Variants in MOCOS observed in about 807,000 individuals in gnomAD.
MOCOS encodes the protein human molybdenum cofactor sulfurase.
Under a neutral mutation model 83.6 loss-of-function variants are expected in MOCOS, and 86 were observed. The ratio of observed to expected loss-of-function variants is 1.03; its 90% confidence interval spans 0.86 to 1.23. The LOEUF (loss-of-function observed/expected upper bound fraction) is 1.23, where lower values mean the gene tolerates loss of function less well. Ranked by LOEUF, MOCOS falls within the 50% of genes most tolerant of loss-of-function variation. MOCOS has a pLI of 0.00. For synonymous variants in MOCOS, 445 were observed against 434.7 expected, an observed-to-expected ratio of 1.02 and a Z score of -0.29; for missense variants, 1,120 against 1,126.9, an observed-to-expected ratio of 0.99 and a Z score of 0.09.
intron 2 of MOCOS, among the ~76,000 whole-genome samples, chr18:36,195,792 C>T (rs1041614611): frequency 4.6e-5 from 7 of 152,200 alleles, no homozygotes; most frequent in Non-Finnish European, 1.0e-4. Context: ...GTGATCTAGT[C>T]CTGGAAGACA....
intron 5 of MOCOS, among the ~76,000 whole-genome samples, chr18:36,203,424 A>C (rs1384412297): frequency 6.6e-6 from 1 of 152,216 alleles, no homozygotes; most frequent in Non-Finnish European, 1.5e-5. Context: ...CAGGTAGAAG[A>C]CATTCCAAAT....
intron 6 of MOCOS, among the ~76,000 whole-genome samples, chr18:36,212,979 C>T (rs2091460704): frequency 1.3e-5 from 2 of 152,292 alleles, no homozygotes; most frequent in Non-Finnish European, 2.9e-5. Context: ...CAGGAAAGAG[C>T]TTTGGGAACT....
intron 13 of MOCOS, among the ~76,000 whole-genome samples, chr18:36,261,680 C>T (rs1373331924): frequency 6.6e-6 from 1 of 152,136 alleles, no homozygotes; most frequent in Non-Finnish European, 1.5e-5. Context: ...GACAGTGGCT[C>T]CCCCTTGACA....
At position 36,252,486 on chromosome 18, in the gene MOCOS, A is replaced by C. The variant is rs1459086966; in HGVS notation, c.2164+1203A>C. 2.0e-5 allele frequency among the ~76,000 whole-genome samples: 3 copies of C among 152,274 alleles called. No homozygotes were observed. In the East Asian group the frequency reaches 5.8e-4, roughly 29 times the overall value. On this transcript the variant is annotated intron_variant, in intron 11 of 14. Coordinates refer to ENST00000261326, the MANE Select transcript of MOCOS (RefSeq NM_017947.4). ...GGTGGGAGGATCACTTGAGCCTGGG[A>C]GGTGGAGGTTGCAGTGAGTTGAGAT...
chr18:36,213,528 G>A, intron 7 of MOCOS, 46 bp downstream of exon 7: 3 of 1,512,984 alleles, frequency 2.0e-6, no homozygotes, highest in Non-Finnish European at 2.8e-6. Flanking sequence ...GCGAGACCCA[G>A]CAACACCTGT....
chr18:36,199,091 C>G (rs2091401460), intron 3 of MOCOS, among the ~76,000 whole-genome samples: 1 of 152,174 alleles, frequency 6.6e-6, no homozygotes, highest in South Asian at 2.1e-4. Context: ...TACTATTTCT[C>G]TGGTTTTCCT....
chr18:36,236,983 G>A (rs546684952), intron 9 of MOCOS, among the ~76,000 whole-genome samples: 4,083 of 152,078 alleles, frequency 0.027, 61 homozygotes, highest in Middle Eastern at 0.048. Context: ...CATTGATTTT[G>A]TATCCTGAGA....
In MOCOS at chr18:36,199,888, T is replaced by A; in HGVS notation, c.505T>A (p.Ser169Thr). ...CGTGACCATGGCTATAAATGTCATA[T>A]CCACCCCGGTCAGGCCAGAGGACCT... ...RNVTMAINVISTPVRPEDLWS... is the reference protein window; with the variant it reads ...RNVTMAINVITTPVRPEDLWS... Residue 169 changes from serine to threonine, a missense_variant, in exon 4 of 15, where the codon TCC becomes ACC. Physicochemically the swap from Ser to Thr is moderately conservative, Grantham distance 58. Coordinates refer to ENST00000261326, the MANE Select transcript of MOCOS (RefSeq NM_017947.4). 1 of 1,613,980 alleles carries A rather than the reference T, an allele frequency of 6.2e-7. No individual in the cohort carries two copies. The highest frequency in any genetic ancestry group is 1.3e-5 in the African/African-American group (1 of 75,010).
In MOCOS at chr18:36,215,530, T is replaced by TG; in HGVS notation, c.1354dup (p.Asp452GlyfsTer26). The TG allele has an allele frequency of 6.2e-7, 1 of 1,614,016 alleles. No homozygotes were observed. The highest frequency in any genetic ancestry group is 2.2e-5 in the East Asian group (1 of 44,874). ...TCTTATCCTAGGCTGGTCATGTCTG[T>TG]GGGGACAATATGGACCTCATAGATG... On this transcript the variant is annotated frameshift_variant, in exon 8 of 15. Transcript: ENST00000261326. LOFTEE classifies it high-confidence loss of function.
intron 10 of MOCOS, among the ~76,000 whole-genome samples, chr18:36,250,113 A>G (rs1180605644): frequency 6.6e-6 from 1 of 152,178 alleles, no homozygotes; most frequent in Non-Finnish European, 1.5e-5. Flanking sequence ...AATTTATCCT[A>G]TCTTAAGCCC....
intron 9 of MOCOS, among the ~76,000 whole-genome samples, chr18:36,235,289 C>A (rs1167626426): frequency 3.4e-5 from 4 of 117,702 alleles, no homozygotes; most frequent in African/African-American, 6.6e-5. Flanking sequence ...CCCCTCCCCC[C>A]ACCCACAACA....
intron 7 of MOCOS, among the ~76,000 whole-genome samples, chr18:36,215,021 C>T (rs2091470276): frequency 6.6e-6 from 1 of 152,210 alleles, no homozygotes; most frequent in Non-Finnish European, 1.5e-5. Flanking sequence ...TGGCCCGGGG[C>T]TGGTCATTTG....
chr18:36,217,633 G>A (rs181913657), intron 8 of MOCOS, among the ~76,000 whole-genome samples: 1 of 152,060 alleles, frequency 6.6e-6, no homozygotes, highest in Non-Finnish European at 1.5e-5. Flanking sequence ...GTGGACAACC[G>A]CTCCTGCAAA....
At chr18:36,197,216 G>A (rs544710046) in intron 2 of MOCOS, among the ~76,000 whole-genome samples, 2 of 152,152 alleles carry the variant, frequency 1.3e-5, no homozygotes, top group Non-Finnish European at 1.5e-5. Context: ...GTGGTGGTGG[G>A]ATCTGCAGGG....
intron 5 of MOCOS, 27 bp from the exon 6 acceptor site, chr18:36,205,050 T>C (rs1232892820): frequency 7.3e-7 from 1 of 1,366,680 alleles, no homozygotes; most frequent in Non-Finnish European, 1.0e-6. Context: ...AGCTCATGAT[T>C]CTCTTGTGTT....
rs368899137 is a variant in MOCOS, at chr18:36,240,214, A to C, written c.1961-8708A>C. ...CCTTTGGAGGAGGAGAGGCGCTCTG[A>C]TTTTTAGAGTTTCCAGTTTTTCTGT... On this transcript the variant is annotated intron_variant, in intron 9 of 14. Transcript: ENST00000261326. Among the ~76,000 whole-genome samples, 877 of 130,694 alleles carry C rather than the reference A, an allele frequency of 6.7e-3. 8 individuals carry two copies. Among genetic ancestry groups the C allele is most frequent in the African/African-American group, 0.025 (811 of 32,514 alleles). 85.7% of individuals were successfully genotyped at this position (130,694 alleles called of 152,430 possible). A position where few individuals can be genotyped will look rare whatever the true frequency, so the allele number is the denominator to read the frequency against.
rs750023337 is a variant in MOCOS, at chr18:36,213,534, C to G, written c.1335+52C>G. On this transcript the variant is annotated intron_variant, in intron 7 of 14. Coordinates refer to ENST00000261326, the MANE Select transcript of MOCOS (RefSeq NM_017947.4). Reference sequence around the variant, plus strand: ...CGCTGGTCAGCGAGACCCAGCAACACCTGTTGCTGCCTGTGTGTCTGGGGT... The same window carrying G: ...CGCTGGTCAGCGAGACCCAGCAACAGCTGTTGCTGCCTGTGTGTCTGGGGT... 7.0e-6 allele frequency: 10 copies of G among 1,423,154 alleles called. No individual in the cohort carries two copies. The Admixed American group carries it at 1.5e-4, about 21-fold the overall frequency. The allele number at this position is 1,423,154 out of a possible 1,614,324, so 88.2% of individuals were successfully genotyped here. A position where few individuals can be genotyped will look rare whatever the true frequency, so the allele number is the denominator to read the frequency against.
At chr18:36,257,334 A>C (rs2091645482) in intron 12 of MOCOS, among the ~76,000 whole-genome samples, 1 of 152,124 alleles carries the variant, frequency 6.6e-6, no homozygotes, top group Admixed American at 6.6e-5. Context: ...CCTAGCTCTC[A>C]CTGTTTAATC....
chr18:36,195,171 G>A (rs572128830), intron 1 of MOCOS, 86 bp from the exon 2 acceptor site: 50 of 1,099,102 alleles, frequency 4.5e-5, no homozygotes, highest in South Asian at 2.1e-4. Flanking sequence ...CTGATGTTAC[G>A]TCTGCATGCA....
Sources: gnomAD v4.1 joint callset for allele counts (sites outside exome capture counted in the v4.1 genomes callset) on GRCh38, gnomAD v4.1.1 for gene constraint, MANE v1.5 for transcripts, NCBI Gene and HGNC (gene_info 2026-07-23, HGNC 2026-07-21) for gene names.